SNX29: variants seen among roughly 807,000 people sequenced by gnomAD.
The protein encoded by SNX29 is sorting nexin-29.
Under a neutral mutation model 102.1 loss-of-function variants are expected in SNX29, and 78 were observed. The observed-to-expected ratio is 0.76, with a 90% confidence interval of 0.64 to 0.92. The LOEUF (loss-of-function observed/expected upper bound fraction) is 0.92. Ranked by LOEUF, SNX29 falls within the 40% of genes least tolerant of loss-of-function variation. The pLI, the probability that SNX29 is intolerant of heterozygous loss-of-function variation, is 0.00. For missense variants in SNX29, 1,280 were observed against 1,061.7 expected (o/e 1.21, Z -2.86); for synonymous variants, 580 against 414.5 (o/e 1.40, Z -4.85).
chr16:12,259,256 T>A (rs1214917725), intron 14 of SNX29, among the ~76,000 whole-genome samples: 4 of 152,220 alleles, frequency 2.6e-5, no homozygotes, highest in Non-Finnish European at 5.9e-5. Flanking sequence ...TGCACTCCGC[T>A]TCCAGGTGTA....
chr16:12,027,287 G>C (rs775888756), intron 3 of SNX29, 33 bp from the exon 4 acceptor site: 2 of 1,610,836 alleles, frequency 1.2e-6, no homozygotes, highest in Admixed American at 3.3e-5. Flanking sequence ...TCCCTTTTCT[G>C]GGGGGACTGA....
chr16:12,156,178 TTTA>T (rs1424000161), intron 13 of SNX29, among the ~76,000 whole-genome samples: 1 of 151,978 alleles, frequency 6.6e-6, no homozygotes, highest in Non-Finnish European at 1.5e-5. Context: ...TCTAATCTAT[TTTA>T]TTTTATTTTT....
At chr16:12,122,724 C>T (rs1438756895) in intron 11 of SNX29, among the ~76,000 whole-genome samples, 2 of 152,036 alleles carry the variant, frequency 1.3e-5, no homozygotes, top group Non-Finnish European at 2.9e-5. Context: ...AGGGTGGAAG[C>T]GGTGACTGAA....
At chr16:12,086,320 T>G (rs564861057) in intron 11 of SNX29, among the ~76,000 whole-genome samples, 1 of 152,292 alleles carries the variant, frequency 6.6e-6, no homozygotes, top group South Asian at 2.1e-4. Context: ...TTGCCAATTC[T>G]ACATTACCTA....
chr16:12,139,615 G>A (rs72784672), intron 13 of SNX29, among the ~76,000 whole-genome samples: 1 of 152,128 alleles, frequency 6.6e-6, no homozygotes, highest in Non-Finnish European at 1.5e-5. Context: ...GTGGATGGTC[G>A]TTTGCCCCAA....
chr16:12,141,453 G>A (rs1057299017), intron 13 of SNX29, among the ~76,000 whole-genome samples: 3 of 152,242 alleles, frequency 2.0e-5, no homozygotes, highest in Non-Finnish European at 4.4e-5. Context: ...GTGAAGGCAA[G>A]TTTATTAGAG....
intron 20 of SNX29, among the ~76,000 whole-genome samples, chr16:12,554,394 GGT>G (rs1212648772): frequency 2.0e-5 from 3 of 152,120 alleles, no homozygotes; most frequent in African/African-American, 7.2e-5. Context: ...CCCGTGCATG[GGT>G]GTGCATCGTC....
chr16:12,502,828 C>T (rs1302796235), intron 19 of SNX29, among the ~76,000 whole-genome samples: 1 of 152,136 alleles, frequency 6.6e-6, no homozygotes, highest in Admixed American at 6.5e-5. Flanking sequence ...ATTGCGGTTG[C>T]TGCGATGTTT....
chr16:11,994,723 A>G (rs945262415), intron 1 of SNX29, among the ~76,000 whole-genome samples: 3 of 152,194 alleles, frequency 2.0e-5, no homozygotes, highest in African/African-American at 7.2e-5. Context: ...GAGTGGCGGC[A>G]ACATTTGAAG....
At chr16:12,555,334 C>G (rs546967190) in intron 20 of SNX29, among the ~76,000 whole-genome samples, 1 of 151,790 alleles carries the variant, frequency 6.6e-6, no homozygotes, top group African/African-American at 2.4e-5. Context: ...TTTCTTGGCA[C>G]CTGAGAAACA....
chr16:12,181,281 C>T (rs145336483), intron 13 of SNX29, among the ~76,000 whole-genome samples: 1 of 152,176 alleles, frequency 6.6e-6, no homozygotes, highest in South Asian at 2.1e-4. Context: ...AGGACATGTG[C>T]CCAAGGTGGT....
At chr16:12,515,627 C>T (rs746898321) in intron 19 of SNX29, 1 of 485,978 alleles carries the variant, frequency 2.1e-6, no homozygotes, top group Non-Finnish European at 4.1e-6. Flanking sequence ...CAGGTGCCTT[C>T]CTGTCCTAGC....
chr16:12,339,513 A>G (rs2081553293), intron 15 of SNX29, among the ~76,000 whole-genome samples: 1 of 152,156 alleles, frequency 6.6e-6, no homozygotes, highest in African/African-American at 2.4e-5. Flanking sequence ...ACTGGGCTTA[A>G]CAAGAAATGA....
chr16:11,989,983 T>C (rs983520545), intron 1 of SNX29, among the ~76,000 whole-genome samples: 25 of 152,124 alleles, frequency 1.6e-4, no homozygotes, highest in African/African-American at 6.0e-4. Context: ...TTTGTGGAGG[T>C]TGAAGTGTAC....
chr16:12,567,983 G>C (rs62028746), intron 20 of SNX29, among the ~76,000 whole-genome samples: 16,312 of 152,110 alleles, frequency 0.11, 1,061 homozygotes, highest in Non-Finnish European at 0.14. Context: ...ATCTTCCACT[G>C]TTCCTGGCTC....
At position 12,443,333 on chromosome 16, in the gene SNX29, C is replaced by T. The variant is rs902379213; in HGVS notation, c.2038-34386C>T. 30 of 169,944 alleles carry T rather than the reference C, an allele frequency of 1.8e-4. 2 individuals are homozygous for T. The highest frequency in any genetic ancestry group is 6.6e-4 in the Admixed American group (11 of 16,586). The allele number at this position is 169,944 out of a possible 1,614,324, so 10.5% of individuals were successfully genotyped here. A position where few individuals can be genotyped will look rare whatever the true frequency, so the allele number is the denominator to read the frequency against. The stretch of plus-strand genomic sequence containing the variant: ...GCCAAGGCAGCAGAGAGAGTCTTTG[C>T]GCAGATACTCTGATAAATCAAACTA... On this transcript the variant is annotated intron_variant, in intron 18 of 20. Transcript: ENST00000566228.
At chr16:12,232,346 G>T (rs1249186531) in intron 14 of SNX29, among the ~76,000 whole-genome samples, 1 of 152,150 alleles carries the variant, frequency 6.6e-6, no homozygotes, top group Non-Finnish European at 1.5e-5. Context: ...GACCAACGTG[G>T]TGAAACCCCG....
Position 12,207,619 on chromosome 16 carries a change from T to A in SNX29, c.1678+7936T>A, listed in dbSNP as rs530327994. Among the ~76,000 whole-genome samples, 24 of 152,258 alleles carry A rather than the reference T, an allele frequency of 1.6e-4. 1 individual carries two copies. The highest frequency in any genetic ancestry group is 5.3e-4 in the African/African-American group (22 of 41,558). ...TCATGTGCCCCCATCACAAACACTT[T>A]ACGACCCCACTCTTGGCTCATCCAG... On this transcript the variant is annotated intron_variant, in intron 14 of 20. Transcript: ENST00000566228.
chr16:12,145,564 GT>G (rs2055033828), intron 13 of SNX29, among the ~76,000 whole-genome samples: 1 of 152,148 alleles, frequency 6.6e-6, no homozygotes, highest in African/African-American at 2.4e-5. Context: ...TACCAGAAAA[GT>G]TTAAAGAGGA....
Sources: gnomAD v4.1 joint callset for allele counts (sites outside exome capture counted in the v4.1 genomes callset) on GRCh38, gnomAD v4.1.1 for gene constraint, MANE v1.5 for transcripts, NCBI Gene and HGNC (gene_info 2026-07-23, HGNC 2026-07-21) for gene names.